ITGA1: variants seen among roughly 807,000 people sequenced by gnomAD.
The protein encoded by ITGA1 is integrin subunit alpha 1.
A neutral mutation model predicts 145.9 loss-of-function variants in ITGA1; 85 were observed. That is an observed-to-expected ratio of 0.58 (90% confidence interval 0.49 to 0.70). The LOEUF (loss-of-function observed/expected upper bound fraction) is 0.70. Among genes scored for constraint, ITGA1 ranks in the 30% least tolerant of loss-of-function variants. ITGA1 has a pLI of 0.00. For synonymous variants in ITGA1, 520 were observed against 495.3 expected (o/e 1.05, Z -0.66); for missense variants, 1,351 against 1,418.7 (o/e 0.95, Z 0.77).
At chr5:52,937,019 T>C (rs1049008723) in intron 23 of ITGA1, among the ~76,000 whole-genome samples, 1 of 148,596 alleles carries the variant, frequency 6.7e-6, no homozygotes, top group African/African-American at 2.5e-5. Flanking sequence ...TGGTCTCCCT[T>C]CTTTCCAGTT....
Position 52,916,094 on chromosome 5 carries a change from G to A in ITGA1, c.1988+500G>A, listed in dbSNP as rs942305639. On this transcript the variant is annotated intron_variant, in intron 15 of 28. Coordinates refer to ENST00000282588, the MANE Select transcript of ITGA1 (RefSeq NM_181501.2). ...ATGCCTAAATCCCCAAATTGGCCCA[G>A]TTCTTTCAGATACATACATTCATAA... Among the ~76,000 whole-genome samples, 18 of 152,102 alleles carry A rather than the reference G, an allele frequency of 1.2e-4. 1 individual carries two copies. The highest frequency in any genetic ancestry group is 4.3e-4 in the African/African-American group (18 of 41,404).
intron 1 of ITGA1, among the ~76,000 whole-genome samples, chr5:52,835,718 A>G (rs1050985580): frequency 3.9e-5 from 6 of 152,174 alleles, no homozygotes; most frequent in Admixed American, 3.3e-4. Context: ...GATTCCATTG[A>G]TGTCACAAGG....
intron 1 of ITGA1, among the ~76,000 whole-genome samples, chr5:52,832,364 CAG>C (rs906554164): frequency 2.6e-5 from 4 of 152,156 alleles, no homozygotes; most frequent in Non-Finnish European, 5.9e-5. Flanking sequence ...GCCTGGGTGG[CAG>C]AGTCACTTAA....
intron 1 of ITGA1, among the ~76,000 whole-genome samples, chr5:52,845,571 T>A (rs907137098): frequency 6.6e-6 from 1 of 152,194 alleles, no homozygotes; most frequent in South Asian, 2.1e-4. Context: ...GGTGGTGATG[T>A]TCTTGTCTTC....
At chr5:52,839,303 G>A (rs1251275036) in intron 1 of ITGA1, among the ~76,000 whole-genome samples, 1 of 151,996 alleles carries the variant, frequency 6.6e-6, no homozygotes, top group Non-Finnish European at 1.5e-5. Context: ...AATACTTTGA[G>A]GTATATTTGA....
At chr5:52,934,484 C>T (rs1374655140) in intron 23 of ITGA1, among the ~76,000 whole-genome samples, 1 of 151,802 alleles carries the variant, frequency 6.6e-6, no homozygotes, top group African/African-American at 2.4e-5. Context: ...TCACATTCTC[C>T]TTATTGTTAC....
intron 1 of ITGA1, among the ~76,000 whole-genome samples, chr5:52,833,805 T>G (rs1481271539): frequency 6.6e-6 from 1 of 152,162 alleles, no homozygotes; most frequent in East Asian, 1.9e-4. Flanking sequence ...TGTGGCCATT[T>G]AAAGGGGAGG....
intron 1 of ITGA1, among the ~76,000 whole-genome samples, chr5:52,796,470 A>G (rs1748345662): frequency 6.6e-6 from 1 of 152,016 alleles, no homozygotes; most frequent in Non-Finnish European, 1.5e-5. Context: ...TTAGTATTTA[A>G]AGCAAAAGAG....
intron 18 of ITGA1, among the ~76,000 whole-genome samples, chr5:52,923,620 T>C (rs2111876548): frequency 6.6e-6 from 1 of 152,316 alleles, no homozygotes; most frequent in East Asian, 1.9e-4. Flanking sequence ...CAATTTAAAA[T>C]GTTTTAAAAA....
rs1259876826 is a variant in ITGA1 at position 52,897,390 on chromosome 5, T to G, written c.1091-65T>G. 1.2e-5 allele frequency: 13 copies of G among 1,065,110 alleles called. No individual in the cohort carries two copies. The East Asian group carries it at 3.1e-4, about 25-fold the overall frequency. 66.0% of individuals were successfully genotyped at this position (1,065,110 alleles called of 1,614,324 possible). Reference sequence around the variant, plus strand: ...CAAGCTCTACCAGGTATCTGTATTCTGCAAGTCAGTAGTGCATGAAAAGGC... The same window carrying G: ...CAAGCTCTACCAGGTATCTGTATTCGGCAAGTCAGTAGTGCATGAAAAGGC... On this transcript the variant is annotated intron_variant, in intron 9 of 28. Coordinates refer to ENST00000282588, the MANE Select transcript of ITGA1 (RefSeq NM_181501.2).
chr5:52,835,841 G>A (rs1749154163), intron 1 of ITGA1, among the ~76,000 whole-genome samples: 1 of 152,190 alleles, frequency 6.6e-6, no homozygotes, highest in Non-Finnish European at 1.5e-5. Flanking sequence ...GGTGAGAAAT[G>A]ATTGATGTTA....
chr5:52,849,024 G>A (rs761815971), intron 1 of ITGA1, among the ~76,000 whole-genome samples: 9 of 152,098 alleles, frequency 5.9e-5, no homozygotes, highest in Non-Finnish European at 1.0e-4. Context: ...TGTGAACAGT[G>A]CCACAATAGA....
rs545680422 is a variant in ITGA1, at chr5:52,818,258, C to T, written c.61+29844C>T. ...GTTGAAAAAAAAATGGTATGGTTCT[C>T]TAACTATATTCTGTTGAGTTGCTGG... On this transcript the variant is annotated intron_variant, in intron 1 of 28. Coordinates refer to ENST00000282588, the MANE Select transcript of ITGA1 (RefSeq NM_181501.2). 6.6e-5 allele frequency among the ~76,000 whole-genome samples: 10 copies of T among 152,260 alleles called. No individual in the cohort carries two copies. In the South Asian group the frequency reaches 1.9e-3, roughly 28 times the overall value.
chr5:52,935,413 A>C (rs1312064770), intron 23 of ITGA1, among the ~76,000 whole-genome samples: 2 of 152,116 alleles, frequency 1.3e-5, no homozygotes, highest in Non-Finnish European at 2.9e-5. Context: ...TTACATTATC[A>C]TATATTTAGT....
At chr5:52,866,347 T>C (rs2111778954) in intron 6 of ITGA1, among the ~76,000 whole-genome samples, 1 of 152,316 alleles carries the variant, frequency 6.6e-6, no homozygotes, top group East Asian at 1.9e-4. Context: ...ACAGAAAATA[T>C]TATGAAAGCT....
chr5:52,942,686 A>G (rs971642259), intron 26 of ITGA1, among the ~76,000 whole-genome samples: 11 of 141,286 alleles, frequency 7.8e-5, no homozygotes, highest in African/African-American at 1.6e-4. Flanking sequence ...ACCCACCACC[A>G]TGCCCGGCTA....
At chr5:52,811,584 C>G (rs7707371) in intron 1 of ITGA1, among the ~76,000 whole-genome samples, 3 of 151,950 alleles carry the variant, frequency 2.0e-5, no homozygotes, top group African/African-American at 7.3e-5. Flanking sequence ...AATGCTTTGC[C>G]AAACACTCCC....
rs921991298 is a variant in ITGA1, at chr5:52,953,590, T to G, written c.*1139T>G. Reference sequence around the variant, plus strand: ...TAGGTGTGTTGCATCAATATTTAAATAAAATCCCAGAAATGTATTTTAAAG... The same window carrying G: ...TAGGTGTGTTGCATCAATATTTAAAGAAAATCCCAGAAATGTATTTTAAAG... On this transcript the variant is annotated 3_prime_UTR_variant, in exon 29 of 29. Coordinates refer to ENST00000282588, the MANE Select transcript of ITGA1 (RefSeq NM_181501.2). The G allele has an allele frequency of 8.5e-5, 13 of 152,218 alleles. No homozygotes were observed. Among genetic ancestry groups the G allele is most frequent in the Admixed American group, 7.9e-4 (12 of 15,286 alleles). The allele number at this position is 152,218 out of a possible 1,614,324, so 9.4% of individuals were successfully genotyped here.
At chr5:52,892,670 A>G (rs1259753811) in intron 8 of ITGA1, among the ~76,000 whole-genome samples, 1 of 152,190 alleles carries the variant, frequency 6.6e-6, no homozygotes, top group Non-Finnish European at 1.5e-5. Context: ...AAAGGACCCA[A>G]CTACTGCTAC....
Sources: allele counts gnomAD v4.1 joint callset (sites outside exome capture counted in the v4.1 genomes callset), GRCh38; gene constraint gnomAD v4.1.1; transcripts MANE v1.5; gene names NCBI Gene and HGNC (gene_info 2026-07-23, HGNC 2026-07-21).